Variants in DTNB observed in about 807,000 individuals in gnomAD.
DTNB encodes the protein dystrobrevin beta, also known as DTN-B.
A neutral mutation model predicts 90.7 loss-of-function variants in DTNB; 63 were observed. The observed-to-expected ratio is 0.69, with a 90% CI of 0.57 to 0.86. The LOEUF (loss-of-function observed/expected upper bound fraction) is 0.86. Ranked by LOEUF, DTNB falls within the 40% of genes least tolerant of loss-of-function variation. DTNB has a pLI of 0.00. For missense variants in DTNB, 744 were observed against 807.1 expected, an observed-to-expected ratio of 0.92 and a Z score of 0.95; for synonymous variants, 277 against 286.7, an observed-to-expected ratio of 0.97 and a Z score of 0.34.
intron 16 of DTNB, among the ~76,000 whole-genome samples, chr2:25,417,993 G>A (rs140140178): frequency 1.3e-3 from 201 of 152,316 alleles, no homozygotes; most frequent in African/African-American, 4.4e-3. Context: ...AGTGATGCGT[G>A]TCACTTCCTG....
intron 9 of DTNB, among the ~76,000 whole-genome samples, chr2:25,496,854 A>AG (rs1558765878): frequency 2.6e-5 from 4 of 151,886 alleles, no homozygotes; most frequent in African/African-American, 9.7e-5. Context: ...AAAAAAAAAA[A>AG]AAAAAGATAA....
chr2:25,655,777 C>G (rs1441845403), intron 1 of DTNB, among the ~76,000 whole-genome samples: 1 of 152,180 alleles, frequency 6.6e-6, no homozygotes. Flanking sequence ...GGCCTGACAG[C>G]ACCTGAGAGC....
intron 9 of DTNB, among the ~76,000 whole-genome samples, chr2:25,513,844 T>C (rs527950101): frequency 6.6e-6 from 1 of 151,468 alleles, no homozygotes; most frequent in South Asian, 2.1e-4. Flanking sequence ...TGAATATCAC[T>C]ACTATTAGTA....
intron 9 of DTNB, among the ~76,000 whole-genome samples, chr2:25,524,520 G>C (rs867961655): frequency 1.3e-5 from 2 of 150,872 alleles, no homozygotes; most frequent in Middle Eastern, 6.8e-3. Flanking sequence ...GTATCTTGTA[G>C]AGTTGAAGAC....
chr2:25,402,083 A>G (rs956515092), intron 16 of DTNB, among the ~76,000 whole-genome samples: 1 of 152,220 alleles, frequency 6.6e-6, no homozygotes, highest in African/African-American at 2.4e-5. Context: ...TTTCTCTTCA[A>G]GAAAAAGTTA....
chr2:25,553,838 G>A (rs1400775979), intron 8 of DTNB, among the ~76,000 whole-genome samples: 1 of 148,520 alleles, frequency 6.7e-6, no homozygotes, highest in African/African-American at 2.5e-5. Context: ...CTTAACCCAC[G>A]AAAAAGAAGC....
chr2:25,646,148 G>A (rs1020417892), intron 2 of DTNB, among the ~76,000 whole-genome samples: 1 of 151,988 alleles, frequency 6.6e-6, no homozygotes, highest in Non-Finnish European at 1.5e-5. Context: ...CGTACCTCTC[G>A]GGCATTAATA....
At chr2:25,495,090 G>C (rs910956286) in intron 9 of DTNB, among the ~76,000 whole-genome samples, 19 of 151,710 alleles carry the variant, frequency 1.3e-4, no homozygotes, top group African/African-American at 4.4e-4. Flanking sequence ...TTTTGAGTCA[G>C]GGTCTCGTTC....
At chr2:25,434,668 G>C (rs2055100222) in intron 12 of DTNB, among the ~76,000 whole-genome samples, 1 of 151,926 alleles carries the variant, frequency 6.6e-6, no homozygotes, top group Admixed American at 6.6e-5. Context: ...AAGATGCTAT[G>C]AACTTTCATT....
intron 10 of DTNB, among the ~76,000 whole-genome samples, chr2:25,475,660 GAGA>G (rs1352338459): frequency 2.0e-5 from 3 of 152,218 alleles, no homozygotes; most frequent in Non-Finnish European, 4.4e-5. Context: ...CATAGCTAGA[GAGA>G]AGAAGTCAAT....
chr2:25,650,313 T>C (rs1375596992), intron 2 of DTNB: 2 of 874,876 alleles, frequency 2.3e-6, no homozygotes, highest in Non-Finnish European at 2.7e-6. Flanking sequence ...TTCTCCTCTG[T>C]AGCCCTAGCA....
At chr2:25,561,755 T>C (rs2058299708) in intron 8 of DTNB, among the ~76,000 whole-genome samples, 1 of 152,180 alleles carries the variant, frequency 6.6e-6, no homozygotes, top group South Asian at 2.1e-4. Flanking sequence ...TCCACCATGA[T>C]TGTAAACTTC....
chr2:25,416,814 A>AAGGAAGGAAGGAAGGAAGGG, intron 16 of DTNB, among the ~76,000 whole-genome samples: 1 of 149,554 alleles, frequency 6.7e-6, no homozygotes, highest in Admixed American at 6.7e-5. Flanking sequence ...CGAAGGAAGG[A>AAGGAAGGAAGGAAGGAAGGG]AGGAAGGAAG....
chr2:25,660,300 T>C (rs1478033415), intron 1 of DTNB, among the ~76,000 whole-genome samples: 2 of 152,226 alleles, frequency 1.3e-5, no homozygotes, highest in Non-Finnish European at 1.5e-5. Flanking sequence ...TTGAAAACAC[T>C]ATGCTAAATG....
chr2:25,447,903 G>A (rs879239170), intron 12 of DTNB, among the ~76,000 whole-genome samples: 8 of 151,874 alleles, frequency 5.3e-5, no homozygotes, highest in Admixed American at 1.3e-4. Context: ...CACTTTGCAC[G>A]TAACCGAGGT....
chr2:25,638,339 C>T (rs959835515), intron 3 of DTNB, among the ~76,000 whole-genome samples: 3 of 152,124 alleles, frequency 2.0e-5, no homozygotes, highest in Non-Finnish European at 4.4e-5. Flanking sequence ...CACATGTACC[C>T]TAGAACTTAA....
intron 3 of DTNB, among the ~76,000 whole-genome samples, chr2:25,634,954 G>A (rs924108356): frequency 1.1e-4 from 15 of 131,052 alleles, no homozygotes; most frequent in African/African-American, 4.0e-4. Context: ...AGGAAAACCA[G>A]AGACCTTTGT....
intron 9 of DTNB, among the ~76,000 whole-genome samples, chr2:25,510,076 C>G (rs1371896805): frequency 6.6e-6 from 1 of 151,908 alleles, no homozygotes. Context: ...GATTTGTTGA[C>G]CACTGCTATG....
chr2:25,597,950 CG>C (rs1311811750), intron 5 of DTNB, among the ~76,000 whole-genome samples: 1 of 152,172 alleles, frequency 6.6e-6, no homozygotes, highest in Non-Finnish European at 1.5e-5. Context: ...ATGTGCTAGG[CG>C]CCACTTCAGT....
Sources: gnomAD v4.1 joint callset for allele counts (sites outside exome capture counted in the v4.1 genomes callset) on GRCh38, gnomAD v4.1.1 for gene constraint, MANE v1.5 for transcripts, NCBI Gene and HGNC (gene_info 2026-07-23, HGNC 2026-07-21) for gene names.